XPO7: variants seen among roughly 807,000 people sequenced by gnomAD.
XPO7 encodes exportin-7.
Under a neutral mutation model 144.3 loss-of-function variants are expected in XPO7, and 21 were observed. The observed-to-expected ratio is 0.15, with a 90% confidence interval of 0.10 to 0.21. The LOEUF (loss-of-function observed/expected upper bound fraction) is 0.21, where lower values mean the gene tolerates loss of function less well. Among genes scored for constraint, XPO7 ranks in the 10% least tolerant of loss-of-function variants. XPO7 has a pLI of 1.00. For missense variants in XPO7, 808 were observed against 1,325.8 expected, an observed-to-expected ratio of 0.61 and a Z score of 6.06; for synonymous variants, 580 against 499.6, an observed-to-expected ratio of 1.16 and a Z score of -2.15.
At chr8:21,995,662 T>C in intron 21 of XPO7, 63 bp downstream of exon 21, 1 of 1,310,984 alleles carries the variant, frequency 7.6e-7, no homozygotes, top group Non-Finnish European at 1.1e-6. Flanking sequence ...ATTTGCTGTA[T>C]CTAGTGCTTT....
intron 6 of XPO7, among the ~76,000 whole-genome samples, chr8:21,976,077 A>T (rs1318921429): frequency 6.6e-6 from 1 of 152,224 alleles, no homozygotes; most frequent in Non-Finnish European, 1.5e-5. Context: ...TGTGACCATT[A>T]TGTCTACATT....
chr8:21,998,626 TTAGGA>T lies in XPO7; in HGVS notation c.2346-124_2346-120del, dbSNP rs1349391078. 6.0e-6 allele frequency: 4 copies of T among 668,948 alleles called. No homozygotes were observed. In the African/African-American group the frequency reaches 7.2e-5, roughly 12 times the overall value. The allele number at this position is 668,948 out of a possible 1,614,324, so 41.4% of individuals were successfully genotyped here. A position where few individuals can be genotyped will look rare whatever the true frequency, so the allele number is the denominator to read the frequency against. ...TATCTATAACTTGGTTATTCTCATA[TTAGGA>T]TAGGCAATTGCTTACCTTAATGTAA... On this transcript the variant is annotated intron_variant, in intron 21 of 27. Transcript: ENST00000252512.
chr8:22,004,893 A>T, intron 27 of XPO7, 102 bp from the exon 28 acceptor site: 2 of 643,974 alleles, frequency 3.1e-6, no homozygotes, highest in Non-Finnish European at 5.2e-6. Context: ...GAACCCATCA[A>T]TTCATACATT....
At chr8:21,928,236 T>C (rs114409525) in intron 1 of XPO7, among the ~76,000 whole-genome samples, 2,690 of 152,364 alleles carry the variant, frequency 0.018, 80 homozygotes, top group African/African-American at 0.062. Context: ...AACTCTGAGA[T>C]TGATTCTCAT....
chr8:21,945,672 G>A (rs887447924), intron 1 of XPO7, among the ~76,000 whole-genome samples: 1 of 152,176 alleles, frequency 6.6e-6, no homozygotes, highest in Admixed American at 6.5e-5. Context: ...CTCAAAGTAA[G>A]GAAAATTCCT....
At chr8:21,922,541 C>T (rs193271339) in intron 1 of XPO7, among the ~76,000 whole-genome samples, 11 of 152,118 alleles carry the variant, frequency 7.2e-5, no homozygotes, top group African/African-American at 2.6e-4. Flanking sequence ...TTTAGTTGCC[C>T]TTCCTTTCAT....
At chr8:21,962,360 T>G (rs1020083337) in intron 1 of XPO7, among the ~76,000 whole-genome samples, 8 of 152,144 alleles carry the variant, frequency 5.3e-5, no homozygotes, top group Non-Finnish European at 7.4e-5. Context: ...AAAAAGAAAA[T>G]AAAATGAGTA....
intron 1 of XPO7, among the ~76,000 whole-genome samples, chr8:21,966,053 A>C (rs1258943345): frequency 6.6e-6 from 1 of 152,148 alleles, no homozygotes; most frequent in Non-Finnish European, 1.5e-5. Context: ...ACACCACATT[A>C]AGTGCAAGTA....
chr8:21,919,843 G>T (rs2117224563), intron 1 of XPO7, 55 bp downstream of exon 1: 1 of 340,204 alleles, frequency 2.9e-6, no homozygotes, highest in Non-Finnish European at 5.3e-6. Context: ...GAGTGGAGTC[G>T]GGGGTGCACA....
At chr8:21,954,730 A>G (rs1169154692) in intron 1 of XPO7, among the ~76,000 whole-genome samples, 2 of 152,206 alleles carry the variant, frequency 1.3e-5, no homozygotes, top group Non-Finnish European at 2.9e-5. Flanking sequence ...ACTCAAAAAT[A>G]AATAGCTCTT....
In XPO7 at chr8:21,940,201, T is replaced by C. The variant is rs899172036; in HGVS notation, c.18+20413T>C. Among the ~76,000 whole-genome samples the C allele has an allele frequency of 7.9e-5, 12 of 152,214 alleles. No individual in the cohort carries two copies. In the East Asian group the frequency reaches 2.1e-3, roughly 27 times the overall value. ...TAAAAATAACACCACCTTCAGAAGATGGTAGAATACCAATACCAATTCATT... is the reference window on the plus strand; with the variant it reads ...TAAAAATAACACCACCTTCAGAAGACGGTAGAATACCAATACCAATTCATT... On this transcript the variant is annotated intron_variant, in intron 1 of 27. Transcript: ENST00000252512.
At chr8:21,942,528 C>G (rs1467195191) in intron 1 of XPO7, among the ~76,000 whole-genome samples, 1 of 152,138 alleles carries the variant, frequency 6.6e-6, no homozygotes, top group Non-Finnish European at 1.5e-5. Context: ...CTTCTGCATT[C>G]AGACTATTTA....
At chr8:21,934,912 G>A (rs1810773277) in intron 1 of XPO7, among the ~76,000 whole-genome samples, 1 of 152,194 alleles carries the variant, frequency 6.6e-6, no homozygotes, top group Non-Finnish European at 1.5e-5. Context: ...AAGGTGGATT[G>A]TAATAGCAAA....
chr8:21,990,752 C>T (rs1164165455), intron 17 of XPO7, 59 bp from the exon 18 acceptor site: 2 of 1,515,118 alleles, frequency 1.3e-6, no homozygotes, highest in Non-Finnish European at 1.8e-6. Flanking sequence ...TGATTACTGG[C>T]TTGCATTCTG....
At chr8:21,970,081 A>T in intron 3 of XPO7, 63 bp from the exon 4 acceptor site, 1 of 1,551,274 alleles carries the variant, frequency 6.4e-7, no homozygotes, top group Non-Finnish European at 8.7e-7. Flanking sequence ...AAAGATATAC[A>T]CCCTTCTCTG....
intron 26 of XPO7, 70 bp from the exon 27 acceptor site, chr8:22,003,833 T>C: frequency 6.2e-7 from 1 of 1,601,648 alleles, no homozygotes; most frequent in Non-Finnish European, 8.5e-7. Flanking sequence ...TCTTCAACCC[T>C]GCAGATGACG....
At chr8:21,951,943 T>A (rs1217765339) in intron 1 of XPO7, among the ~76,000 whole-genome samples, 1 of 152,164 alleles carries the variant, frequency 6.6e-6, no homozygotes, top group Non-Finnish European at 1.5e-5. Context: ...TAGGAGGGAT[T>A]GGTGATAACC....
intron 1 of XPO7, among the ~76,000 whole-genome samples, chr8:21,934,548 A>C (rs1810761959): frequency 6.6e-6 from 1 of 152,202 alleles, no homozygotes; most frequent in South Asian, 2.1e-4. Flanking sequence ...AAAAAAAAGA[A>C]ATATTTTAAG....
chr8:21,943,677 G>T (rs1248760686), intron 1 of XPO7, among the ~76,000 whole-genome samples: 1 of 152,108 alleles, frequency 6.6e-6, no homozygotes, highest in African/African-American at 2.4e-5. Flanking sequence ...GCTAAGGTGA[G>T]AATTCTTGTT....
Sources: allele counts gnomAD v4.1 joint callset (sites outside exome capture counted in the v4.1 genomes callset), GRCh38; gene constraint gnomAD v4.1.1; transcripts MANE v1.5; gene names NCBI Gene and HGNC (gene_info 2026-07-23, HGNC 2026-07-21).